Variants in PSD4 observed in about 807,000 individuals in gnomAD.
PSD4 encodes PH and SEC7 domain-containing protein 4.
In PSD4, 59 loss-of-function variants were observed where a neutral mutation model predicts 112.5. The ratio of observed to expected loss-of-function variants is 0.52; its 90% CI spans 0.43 to 0.65. PSD4 has a LOEUF of 0.65. PSD4 is among the 30% of genes least tolerant of loss of function. The probability of loss-of-function intolerance (pLI) is 0.00; values close to 1 mark genes in which losing one functional copy is unlikely to be tolerated. For missense variants in PSD4, 1,267 were observed against 1,352.6 expected (o/e 0.94, Z 0.99); for synonymous variants, 533 against 540.0 (o/e 0.99, Z 0.18).
Position 113,198,865 on chromosome 2 carries a change from G to GC in PSD4, c.2754dup (p.Ala919ArgfsTer73). The stretch of plus-strand genomic sequence containing the variant: ...TTCGTGCGGCCCATCCTGCCCGTGG[G>GC]CCCCGCCCAGAGCTCCCTGGTACGG... On this transcript the variant is annotated frameshift_variant, in exon 15 of 17. Transcript: ENST00000245796. LOFTEE classifies it high-confidence loss of function. The GC allele has an allele frequency of 6.3e-7, 1 of 1,593,158 alleles. No homozygotes were observed. The highest frequency in any genetic ancestry group is 8.5e-7 in the Non-Finnish European group (1 of 1,176,486).
chr2:113,182,842 C>A lies in PSD4; in HGVS notation c.386C>A (p.Thr129Lys), dbSNP rs750904967. 1 of 1,613,574 alleles carries A rather than the reference C, an allele frequency of 6.2e-7. No homozygotes were observed. Among genetic ancestry groups the A allele is most frequent in the African/African-American group, 1.3e-5 (1 of 74,936 alleles). The change falls in exon 2 of 17, where the codon ACA becomes AAA. Residue 129 changes from threonine to lysine, a missense_variant. By Grantham distance (78) the Thr-to-Lys change is moderately conservative. Transcript: ENST00000245796. ...GCCCAGAGGGAGCACAGGCAGAACA[C>A]AGCATCACCAGGGTCACCAGTGAAC... The part of the protein sequence containing the change: ...PSAQREHRQN[T>K]ASPGSPVNSH...
In PSD4 at chr2:113,207,454, C is replaced by CTA. The variant is rs773879799; in HGVS notation, c.*6040_*6041insAT. The CTA allele has an allele frequency of 2.1e-5, 2 of 95,514 alleles. No individual in the cohort carries two copies. Among genetic ancestry groups the CTA allele is most frequent in the African/African-American group, 8.1e-5 (2 of 24,656 alleles). 5.9% of individuals were successfully genotyped at this position (95,514 alleles called of 1,614,324 possible). ...TAACTCTCCTCTCCTCTCTCCTCTT[C>CTA]TTTTTTTTTTTTTTTTTTTTGAGAT... is the stretch of plus-strand genomic sequence containing the variant. On this transcript the variant is annotated 3_prime_UTR_variant, in exon 17 of 17. Transcript: ENST00000245796.
chr2:113,207,186 C>T lies in PSD4; in HGVS notation c.*5771C>T, dbSNP rs1688874154. On this transcript the variant is annotated 3_prime_UTR_variant, in exon 17 of 17. Transcript: ENST00000245796. ...AGCAGCCTGCCTTGGGCCGTGTGCC[C>T]ATATCTGAGCCAGTCACTAGAGCCA... 6.6e-6 allele frequency: 1 copy of T among 152,148 alleles called. No homozygotes were observed. Among genetic ancestry groups the T allele is most frequent in the Non-Finnish European group, 1.5e-5 (1 of 68,054 alleles). 9.4% of individuals were successfully genotyped at this position (152,148 alleles called of 1,614,324 possible).
chr2:113,182,190 G>A (rs994702846), intron 1 of PSD4, among the ~76,000 whole-genome samples, 156 bp from the exon 2 acceptor site: 5 of 152,176 alleles, frequency 3.3e-5, no homozygotes, highest in Admixed American at 6.5e-5. Context: ...GGAATATGTG[G>A]TACACTCCTT....
Position 113,185,887 on chromosome 2 carries a change from G to A in PSD4, c.1260G>A (p.Glu420=), listed in dbSNP as rs1688285072. The stretch of plus-strand genomic sequence containing the variant: ...CATGTTCTTCCTCAGATGAGAGGGA[G>A]GGTGGACACCCCCAGGAATCTCTTC... ...TLNSQDRDER[E]GGHPQESLPC... The change falls in exon 5 of 17, where the codon GAG becomes GAA. Residue 420 remains glutamate, a synonymous_variant. Transcript: ENST00000245796. 2.5e-6 allele frequency: 4 copies of A among 1,611,112 alleles called. No homozygotes were observed. In the East Asian group the frequency reaches 8.9e-5, roughly 36 times the overall value.
rs1688860138 is a variant in PSD4 at position 113,206,159 on chromosome 2, C to T, written c.*4744C>T. ...CTTCATTATCATGCCTTGCAAACAC[C>T]ATCATGAGCAAAAATCAAAGCTGGT... On this transcript the variant is annotated 3_prime_UTR_variant, in exon 17 of 17. Transcript: ENST00000245796. The T allele has an allele frequency of 6.6e-6, 1 of 152,280 alleles. No individual in the cohort carries two copies. The highest frequency in any genetic ancestry group is 6.5e-5 in the Admixed American group (1 of 15,286). 9.4% of individuals were successfully genotyped at this position (152,280 alleles called of 1,614,324 possible).
intron 3 of PSD4, 35 bp from the exon 4 acceptor site, chr2:113,185,330 A>C: frequency 6.2e-7 from 1 of 1,612,620 alleles, no homozygotes; most frequent in Middle Eastern, 1.7e-4. Context: ...CTGTGTATCC[A>C]GGGCTCATGG....
intron 15 of PSD4, 77 bp from the exon 16 acceptor site, chr2:113,199,006 G>A (rs45624539): frequency 7.7e-5 from 117 of 1,513,304 alleles, no homozygotes; most frequent in Non-Finnish European, 9.3e-5. Context: ...AGGCGGCCAG[G>A]GGGGCGGCGC....
intron 9 of PSD4, 30 bp from the exon 10 acceptor site, chr2:113,193,829 T>C (rs770443777): frequency 1.2e-6 from 2 of 1,606,616 alleles, no homozygotes; most frequent in South Asian, 2.2e-5. Context: ...GGGTGTGTGC[T>C]CGAGTCATCC....
rs761898027 is a variant in PSD4 at position 113,192,409 on chromosome 2, C to T, written c.1658C>T (p.Ser553Phe). The T allele has an allele frequency of 3.7e-6, 6 of 1,614,224 alleles. No individual in the cohort carries two copies. Among genetic ancestry groups the T allele is most frequent in the East Asian group, 4.5e-5 (2 of 44,882 alleles). ...AATCTGAGGACACCGATGAACTCTT[C>T]TTGGCTTCCTGGGAGCCCTATGCCC... Reference protein sequence around the residue: ...HENLRTPMNSSWLPGSPMPQA... With the variant: ...HENLRTPMNSFWLPGSPMPQA... Residue 553 changes from serine (S) to phenylalanine (F), a missense_variant, in exon 6 of 17, where the codon TCT (serine) becomes TTT (phenylalanine). Around this residue, in one of 2 missense-constraint regions of PSD4, gnomAD observed 723 missense variants for 704.0 expected, o/e 1.03. Coordinates refer to ENST00000245796, the MANE Select transcript of PSD4 (RefSeq NM_012455.3).
At position 113,185,901 on chromosome 2, in the gene PSD4, A is replaced by T. The variant is rs1200297680; in HGVS notation, c.1274A>T (p.Gln425Leu). Residue 425 changes from glutamine (Q) to leucine (L), a missense_variant, in exon 5 of 17, where the codon CAG becomes CTG. Physicochemically the swap from Gln to Leu is moderately radical, Grantham distance 113 (BLOSUM62 -2). Around this residue, in one of 2 missense-constraint regions of PSD4, gnomAD observed 723 missense variants for 704.0 expected, o/e 1.03. Coordinates refer to ENST00000245796, the MANE Select transcript of PSD4 (RefSeq NM_012455.3). ...DRDEREGGHP[Q>L]ESLPCTLAPC... ...GATGAGAGGGAGGGTGGACACCCCCAGGAATCTCTTCCCTGCACCTTGGCC... is the reference window on the plus strand; with the variant it reads ...GATGAGAGGGAGGGTGGACACCCCCTGGAATCTCTTCCCTGCACCTTGGCC... The T allele has an allele frequency of 3.1e-6, 5 of 1,612,582 alleles. No individual in the cohort carries two copies. The highest frequency in any genetic ancestry group is 4.2e-6 in the Non-Finnish European group (5 of 1,179,302).
At position 113,193,110 on chromosome 2, in the gene PSD4, G is replaced by A. The variant is rs1161681059; in HGVS notation, c.1901G>A (p.Ser634Asn). Residue 634 changes from serine (S) to asparagine (N), a missense_variant, in exon 7 of 17, where the codon AGT (serine) becomes AAT (asparagine). Transcript: ENST00000245796. ...TCCTTCTTCCAGTTTGGAGGCCAGA[G>A]TCTGGACCGAGCCCTCCGGTAATGT... ...YLSFFQFGGQ[S>N]LDRALRSFLQ... 6.2e-7 allele frequency: 1 copy of A among 1,614,032 alleles called. No individual in the cohort carries two copies. Among genetic ancestry groups the A allele is most frequent in the Non-Finnish European group, 8.5e-7 (1 of 1,179,976 alleles).
rs113166680 is a variant in PSD4 at position 113,186,112 on chromosome 2, G to A, written c.1485G>A (p.Thr495=). The A allele has an allele frequency of 1.9e-5, 30 of 1,614,238 alleles. No individual in the cohort carries two copies. The highest frequency in any genetic ancestry group is 8.8e-5 in the South Asian group (8 of 91,090). ...LDASQSSLLE[T]DGEQPSSLKK... is the part of the protein sequence containing the mutation. ...CTTCACAGTCTTCACTCTTGGAGAC[G>A]GATGGGGAACAGCCAAGTTCCTTGA... Residue 495 remains threonine (T), a synonymous_variant, in exon 5 of 17, where the codon ACG becomes ACA. Coordinates refer to ENST00000245796, the MANE Select transcript of PSD4 (RefSeq NM_012455.3).
chr2:113,192,479 C>T lies in PSD4; in HGVS notation c.1728C>T (p.Asp576=), dbSNP rs1198971323. 5 of 1,614,120 alleles carry T rather than the reference C, an allele frequency of 3.1e-6. No homozygotes were observed. The highest frequency in any genetic ancestry group is 1.3e-5 in the African/African-American group (1 of 74,930). Residue 576 remains aspartate (D), a synonymous_variant, in exon 6 of 17, where the codon GAC becomes GAT. Coordinates refer to ENST00000245796, the MANE Select transcript of PSD4 (RefSeq NM_012455.3). Reference sequence around the variant, plus strand: ...AAGGCCAGAGACCACCAGCTGGAGACAAGCTAGCTAATGGCGTCAGGAACA... The same window carrying T: ...AAGGCCAGAGACCACCAGCTGGAGATAAGCTAGCTAATGGCGTCAGGAACA... ...PEEGQRPPAG[D]KLANGVRNNK...
Position 113,183,462 on chromosome 2 carries a change from G to C in PSD4, c.1006G>C (p.Ala336Pro). 1 of 1,591,132 alleles carries C rather than the reference G, an allele frequency of 6.3e-7. No individual in the cohort carries two copies. The highest frequency in any genetic ancestry group is 8.5e-7 in the Non-Finnish European group (1 of 1,169,842). The change falls in exon 2 of 17, where the codon GCT becomes CCT. Residue 336 changes from alanine to proline, a missense_variant. Transcript: ENST00000245796. ...ACACTCCATCTGCTGGGCCTCAGTG[G>C]CTGCCGCTGAGGGGGCTCCTGCAGC... is the stretch of plus-strand genomic sequence containing the variant. ...KPHSICWASV[A>P]AAEGAPAAPP...
At chr2:113,194,809 G>A (rs892255513) in intron 10 of PSD4, among the ~76,000 whole-genome samples, 19 of 152,308 alleles carry the variant, frequency 1.2e-4, no homozygotes, top group African/African-American at 4.1e-4. Context: ...CAACCTTACA[G>A]GACCACTATC....
chr2:113,177,461 A>C (rs1025374913), intron 1 of PSD4, among the ~76,000 whole-genome samples: 26 of 152,212 alleles, frequency 1.7e-4, no homozygotes, highest in Non-Finnish European at 7.3e-5. Context: ...TGAGTGACTC[A>C]AGTGAATTCA....
Position 113,201,545 on chromosome 2 carries a change from AC to A in PSD4, c.*132del. ...ACCTCCTTTCCCTGCTGAAGGACAA[AC>A]CTTGTTTCCCTGTGGCCCTCATTCT... On this transcript the variant is annotated 3_prime_UTR_variant, in exon 17 of 17. Coordinates refer to ENST00000245796, the MANE Select transcript of PSD4 (RefSeq NM_012455.3). 7.7e-7 allele frequency: 1 copy of A among 1,301,346 alleles called. No individual in the cohort carries two copies. The allele number at this position is 1,301,346 out of a possible 1,614,324, so 80.6% of individuals were successfully genotyped here.
chr2:113,199,095 C>T lies in PSD4; in HGVS notation c.2782C>T (p.Arg928Ter). Residue 928 changes from arginine to a stop codon, truncating the protein, a stop_gained, in exon 16 of 17, where the codon CGA becomes TGA. Coordinates refer to ENST00000245796, the MANE Select transcript of PSD4 (RefSeq NM_012455.3). LOFTEE classifies it high-confidence loss of function. ...CCGCTGCTCGCAGGAGGAGCAGCAT[C>T]GATCCCACGAGAACTGCCTGGACGC... The part of the protein sequence containing the change: ...PAQSSLEEQH[R>*]SHENCLDAAA... The T allele has an allele frequency of 6.5e-7, 1 of 1,532,894 alleles. No individual in the cohort carries two copies. Among genetic ancestry groups the T allele is most frequent in the Non-Finnish European group, 8.8e-7 (1 of 1,141,988 alleles). The allele number at this position is 1,532,894 out of a possible 1,614,324, so 95.0% of individuals were successfully genotyped here.
Sources: gnomAD v4.1 joint callset for allele counts (sites outside exome capture counted in the v4.1 genomes callset) on GRCh38, gnomAD v4.1.1 for gene constraint, gnomAD v4.1.1 regional missense constraint, MANE v1.5 for transcripts, NCBI Gene and HGNC (gene_info 2026-07-23, HGNC 2026-07-21) for gene names.